Variants in CA10 observed in about 807,000 individuals in gnomAD.
CA10 encodes the protein carbonic anhydrase 10 (inactive).
In CA10, 14 loss-of-function variants were observed where a neutral mutation model predicts 44.2. The ratio of observed to expected loss-of-function variants is 0.32; its 90% CI spans 0.21 to 0.50. The LOEUF is 0.50. CA10 is among the 20% of genes least tolerant of loss of function. CA10 has a pLI of 0.99. For synonymous variants in CA10, 159 were observed against 141.6 expected, an observed-to-expected ratio of 1.12 and a Z score of -0.87; for missense variants, 350 against 409.7, an observed-to-expected ratio of 0.85 and a Z score of 1.26.
chr17:51,844,865 C>T (rs1269983890), intron 3 of CA10, among the ~76,000 whole-genome samples: 1 of 152,196 alleles, frequency 6.6e-6, no homozygotes, highest in Non-Finnish European at 1.5e-5. Context: ...TGATGTCCAT[C>T]AGAACCTCAG....
chr17:51,719,226 C>G (rs551227152), intron 4 of CA10, among the ~76,000 whole-genome samples: 4 of 152,198 alleles, frequency 2.6e-5, no homozygotes, highest in Non-Finnish European at 5.9e-5. Flanking sequence ...ACATCGCCTG[C>G]AAATTGAGGC....
chr17:51,712,647 T>A (rs1229870675), intron 4 of CA10, among the ~76,000 whole-genome samples: 1 of 152,212 alleles, frequency 6.6e-6, no homozygotes, highest in Admixed American at 6.5e-5. Flanking sequence ...AGCTACTCCA[T>A]AAAGCCAGGC....
At chr17:51,669,043 C>G (rs1383084514) in intron 4 of CA10, among the ~76,000 whole-genome samples, 1 of 152,180 alleles carries the variant, frequency 6.6e-6, no homozygotes, top group African/African-American at 2.4e-5. Flanking sequence ...TTGCCATGCC[C>G]AAGACCCTGC....
At chr17:52,033,310 T>C (rs978520311) in intron 2 of CA10, among the ~76,000 whole-genome samples, 1 of 152,274 alleles carries the variant, frequency 6.6e-6, no homozygotes, top group East Asian at 1.9e-4. Context: ...TGCCAAGTAC[T>C]CATAAAGGCA....
At chr17:51,744,983 A>T (rs1177303053) in intron 4 of CA10, among the ~76,000 whole-genome samples, 1 of 152,198 alleles carries the variant, frequency 6.6e-6, no homozygotes, top group Non-Finnish European at 1.5e-5. Flanking sequence ...CGATGACTGC[A>T]TCTACCCAGG....
At chr17:51,820,515 T>C (rs1907742220) in intron 3 of CA10, among the ~76,000 whole-genome samples, 1 of 151,192 alleles carries the variant, frequency 6.6e-6, no homozygotes, top group Non-Finnish European at 1.5e-5. Flanking sequence ...CTTTCTCATG[T>C]CTAGATGAAA....
At chr17:52,027,218 G>A (rs1379244389) in intron 2 of CA10, among the ~76,000 whole-genome samples, 1 of 152,058 alleles carries the variant, frequency 6.6e-6, no homozygotes, top group African/African-American at 2.4e-5. Flanking sequence ...TGCAGCTACT[G>A]ATCAAGAAGA....
intron 2 of CA10, among the ~76,000 whole-genome samples, chr17:52,017,531 G>C (rs1894892934): frequency 6.6e-6 from 1 of 152,072 alleles, no homozygotes; most frequent in Admixed American, 6.6e-5. Flanking sequence ...TAGGGTATCT[G>C]GTAGAAGAAA....
intron 4 of CA10, among the ~76,000 whole-genome samples, chr17:51,705,899 T>G (rs1253896086): frequency 6.6e-6 from 1 of 152,112 alleles, no homozygotes; most frequent in African/African-American, 2.4e-5. Context: ...GTAGGGGTAG[T>G]TTTTTTCAGT....
rs762074246 is a variant in CA10, at chr17:52,140,609, T to C, written c.61+17117A>G. Among the ~76,000 whole-genome samples, 9 of 152,222 alleles carry C rather than the reference T, an allele frequency of 5.9e-5. No homozygotes were observed. The East Asian group carries it at 1.7e-3, about 29-fold the overall frequency. On this transcript the variant is annotated intron_variant, in intron 1 of 8. Coordinates refer to ENST00000451037, the MANE Select transcript of CA10 (RefSeq NM_020178.5). ...CAAAGACAAGGCAGTAGGCTGGATT[T>C]GGTCAGTGGGCCACTGTTTGTCAGC...
intron 2 of CA10, among the ~76,000 whole-genome samples, chr17:51,967,641 G>T (rs1037458799): frequency 6.6e-6 from 1 of 151,618 alleles, no homozygotes; most frequent in African/African-American, 2.4e-5. Context: ...TAAACATTGG[G>T]TATTTATTGA....
intron 6 of CA10, among the ~76,000 whole-genome samples, chr17:51,644,335 A>T (rs560898493): frequency 7.2e-5 from 11 of 152,268 alleles, no homozygotes; most frequent in African/African-American, 2.6e-4. Context: ...GCCACACGGG[A>T]GCCTCTTCCA....
At chr17:51,926,604 T>C (rs570539399) in intron 3 of CA10, among the ~76,000 whole-genome samples, 1 of 152,288 alleles carries the variant, frequency 6.6e-6, no homozygotes, top group South Asian at 2.1e-4. Context: ...AGAATCTGTT[T>C]CTTTGCGCTT....
chr17:52,043,192 G>A (rs1365238264), intron 2 of CA10, among the ~76,000 whole-genome samples: 2 of 152,004 alleles, frequency 1.3e-5, no homozygotes, highest in Admixed American at 6.6e-5. Context: ...TTTTAACAAC[G>A]TTAATCCTTC....
chr17:51,647,319 T>C (rs781653346), intron 6 of CA10, among the ~76,000 whole-genome samples: 2 of 152,200 alleles, frequency 1.3e-5, no homozygotes, highest in Non-Finnish European at 2.9e-5. Context: ...GAAGAGCTGA[T>C]GAAGACAGAG....
intron 4 of CA10, among the ~76,000 whole-genome samples, chr17:51,665,451 G>T (rs543382947): frequency 2.6e-5 from 4 of 152,280 alleles, no homozygotes; most frequent in East Asian, 1.9e-4. Context: ...ACAGGGTTTT[G>T]TCATTCTTCT....
chr17:52,116,384 G>C (rs1013605032), intron 1 of CA10, among the ~76,000 whole-genome samples: 1 of 152,084 alleles, frequency 6.6e-6, no homozygotes, highest in Admixed American at 6.5e-5. Flanking sequence ...AACCCCATGA[G>C]ACACATTTTT....
At chr17:51,648,140 C>T (rs1913413572) in intron 6 of CA10, among the ~76,000 whole-genome samples, 1 of 152,216 alleles carries the variant, frequency 6.6e-6, no homozygotes, top group Admixed American at 6.5e-5. Context: ...TCCATACTCT[C>T]CCTTGGCAGT....
chr17:51,886,401 G>A (rs1009784494), intron 3 of CA10, among the ~76,000 whole-genome samples: 7 of 152,124 alleles, frequency 4.6e-5, no homozygotes, highest in Non-Finnish European at 1.0e-4. Context: ...TAACTTGAAT[G>A]CTTTTAAAAA....
Sources: gnomAD v4.1 joint callset for allele counts (sites outside exome capture counted in the v4.1 genomes callset) on GRCh38, gnomAD v4.1.1 for gene constraint, MANE v1.5 for transcripts, NCBI Gene and HGNC (gene_info 2026-07-23, HGNC 2026-07-21) for gene names.